Variants in TANK observed in about 807,000 individuals in gnomAD.
The protein encoded by TANK is TRAF family member associated NFKB activator, also known as TRAF family member-associated NF-kappa-B activator.
TANK carries 15 observed loss-of-function variants against 43.6 expected under a neutral mutation model. That is an observed-to-expected ratio of 0.34 (90% confidence interval 0.23 to 0.53). The LOEUF (loss-of-function observed/expected upper bound fraction) is 0.53. Among genes scored for constraint, TANK ranks in the 20% least tolerant of loss-of-function variants. The probability of loss-of-function intolerance (pLI) is 0.94; values close to 1 mark genes in which losing one functional copy is unlikely to be tolerated. For missense variants in TANK, 417 were observed against 498.6 expected (o/e 0.84, Z 1.56); for synonymous variants, 162 against 178.2 (o/e 0.91, Z 0.73).
At position 161,212,506 on chromosome 2, in the gene TANK, T is replaced by C. The variant is rs866433638; in HGVS notation, c.327+7713T>C. 12 of 985,426 alleles carry C rather than the reference T, an allele frequency of 1.2e-5. No homozygotes were observed. In the Middle Eastern group the frequency reaches 2.1e-3, roughly 172 times the overall value. The allele number at this position is 985,426 out of a possible 1,614,324, so 61.0% of individuals were successfully genotyped here. A position where few individuals can be genotyped will look rare whatever the true frequency, so the allele number is the denominator to read the frequency against. The stretch of plus-strand genomic sequence containing the variant: ...CCTGCTCTGGGTTTGTGTTTTTGAA[T>C]TCAGTACATCATCTTACAGTTTTTG... On this transcript the variant is annotated intron_variant, in intron 4 of 7. Coordinates refer to ENST00000392749, the MANE Select transcript of TANK (RefSeq NM_001199135.3).
chr2:161,195,730 A>G (rs934717700), intron 2 of TANK, among the ~76,000 whole-genome samples: 2 of 152,188 alleles, frequency 1.3e-5, no homozygotes, highest in East Asian at 1.9e-4. Context: ...AGGCTATTGC[A>G]GCAGTCCATT....
At chr2:161,211,593 C>T (rs1319477332) in intron 4 of TANK, among the ~76,000 whole-genome samples, 1 of 152,206 alleles carries the variant, frequency 6.6e-6, no homozygotes, top group East Asian at 1.9e-4. Flanking sequence ...AGCCAAATCT[C>T]ATTTACATCA....
chr2:161,156,279 T>C (rs1684224139), upstream of TANK: 2 of 985,304 alleles, frequency 2.0e-6, no homozygotes, highest in Non-Finnish European at 2.4e-6. Flanking sequence ...GCAATACTGA[T>C]TCCATCTTTG....
At chr2:161,212,723 G>A (rs1267032) in intron 4 of TANK, 820,245 of 984,916 alleles carry the variant, frequency 0.83, 341,799 homozygotes, top group East Asian at 1. Flanking sequence ...AAAGCACACA[G>A]AATAGAGTCG....
At chr2:161,216,252 C>T (rs1256972361) in intron 4 of TANK, 2 of 272,918 alleles carry the variant, frequency 7.3e-6, no homozygotes, top group African/African-American at 2.3e-5. Context: ...ACTGACTTGT[C>T]TGTATTCTCT....
intron 1 of TANK, chr2:161,161,609 G>A: frequency 1.1e-6 from 1 of 872,138 alleles, no homozygotes; most frequent in Non-Finnish European, 1.7e-6. Context: ...TTATGAAAAT[G>A]AGATTATGCA....
At chr2:161,229,315 A>G (rs991767014) in intron 6 of TANK, among the ~76,000 whole-genome samples, 1 of 152,224 alleles carries the variant, frequency 6.6e-6, no homozygotes, top group African/African-American at 2.4e-5. Context: ...TGAACAGTCT[A>G]ATAAGCCTTT....
At chr2:161,137,013 A>G (rs532917949) in exon 1 of TANK, 6 of 985,302 alleles carry the variant, frequency 6.1e-6, no homozygotes, top group Middle Eastern at 5.2e-4. Context: ...AACTGTCTTC[A>G]TCTTTACAGA....
chr2:161,176,683 C>T (rs892860355), intron 1 of TANK, among the ~76,000 whole-genome samples: 1 of 152,108 alleles, frequency 6.6e-6, no homozygotes, highest in African/African-American at 2.4e-5. Context: ...TGGGTCCAAA[C>T]ACCTTTTTGT....
chr2:161,216,208 T>A (rs1687109136), intron 4 of TANK, among the ~76,000 whole-genome samples: 1 of 152,184 alleles, frequency 6.6e-6, no homozygotes, highest in African/African-American at 2.4e-5. Context: ...CATGTTTCCC[T>A]CTACATTTTA....
intron 2 of TANK, among the ~76,000 whole-genome samples, chr2:161,186,378 AGTG>A (rs1403547031): frequency 6.6e-6 from 1 of 152,104 alleles, no homozygotes; most frequent in Non-Finnish European, 1.5e-5. Flanking sequence ...ATTTGGTTGG[AGTG>A]GTTTTTCTTT....
chr2:161,137,641 T>A (rs974807202), intron 1 of TANK, among the ~76,000 whole-genome samples: 7 of 152,182 alleles, frequency 4.6e-5, no homozygotes, highest in African/African-American at 1.4e-4. Flanking sequence ...GTTATATTTT[T>A]AAAAATCGAT....
intron 7 of TANK, among the ~76,000 whole-genome samples, chr2:161,233,861 C>G (rs1039548065): frequency 1.2e-4 from 18 of 151,920 alleles, no homozygotes; most frequent in Non-Finnish European, 2.5e-4. Context: ...TTTGTTTAAA[C>G]TGAAAACATT....
At chr2:161,161,388 G>T in intron 1 of TANK, 7 of 1,550,852 alleles carry the variant, frequency 4.5e-6, no homozygotes, top group Non-Finnish European at 6.1e-6. Context: ...TCTTACCGCG[G>T]TTGGAATACA....
chr2:161,226,636 T>C (rs1024593295), intron 6 of TANK, among the ~76,000 whole-genome samples: 12 of 152,176 alleles, frequency 7.9e-5, no homozygotes, highest in African/African-American at 1.2e-4. Flanking sequence ...TAACCAGATA[T>C]GATTCATTTG....
At chr2:161,171,775 C>G (rs959166561) in intron 1 of TANK, among the ~76,000 whole-genome samples, 1 of 152,142 alleles carries the variant, frequency 6.6e-6, no homozygotes, top group African/African-American at 2.4e-5. Flanking sequence ...GCAGCCAACT[C>G]GTTAACTCAT....
chr2:161,201,254 T>C, intron 2 of TANK: 1 of 955,342 alleles, frequency 1.0e-6, no homozygotes, highest in Non-Finnish European at 1.2e-6. Flanking sequence ...CATTGATCCA[T>C]TAATTTTTCT....
At chr2:161,165,614 A>G (rs891979103) in intron 1 of TANK, among the ~76,000 whole-genome samples, 2 of 152,212 alleles carry the variant, frequency 1.3e-5, no homozygotes, top group Admixed American at 6.5e-5. Flanking sequence ...GTTCCTTCCC[A>G]TACAGTCCTA....
At position 161,231,083 on chromosome 2, in the gene TANK, T is replaced by C; in HGVS notation, c.633T>C (p.Ser211=). Reference sequence around the variant, plus strand: ...ATAGAGGTGCACCATCCATCACATCTGTCACACCAAGAGGACTGTGCAGAG... The same window carrying C: ...ATAGAGGTGCACCATCCATCACATCCGTCACACCAAGAGGACTGTGCAGAG... The part of the protein sequence containing the change: ...DINRGAPSIT[S]VTPRGLCRDE... The change falls in exon 7 of 8, where the codon TCT becomes TCC. Residue 211 remains serine, a synonymous_variant. Coordinates refer to ENST00000392749, the MANE Select transcript of TANK (RefSeq NM_001199135.3). The C allele has an allele frequency of 6.2e-7, 1 of 1,614,168 alleles. No individual in the cohort carries two copies. The highest frequency in any genetic ancestry group is 8.5e-7 in the Non-Finnish European group (1 of 1,180,004).
Sources: gnomAD v4.1 joint callset for allele counts (sites outside exome capture counted in the v4.1 genomes callset) on GRCh38, gnomAD v4.1.1 for gene constraint, MANE v1.5 for transcripts, NCBI Gene and HGNC (gene_info 2026-07-23, HGNC 2026-07-21) for gene names.